WASHC2C: variants seen among roughly 807,000 people sequenced by gnomAD.
WASHC2C encodes the protein WASH complex subunit 2C, also known as Vaccinia Penetration Factor.
A neutral mutation model predicts 142.2 loss-of-function variants in WASHC2C; 73 were observed. The observed-to-expected ratio is 0.51, with a 90% confidence interval of 0.43 to 0.62. The LOEUF (loss-of-function observed/expected upper bound fraction) is 0.62. Among genes scored for constraint, WASHC2C ranks in the 20% least tolerant of loss-of-function variants. The pLI is 0.00. For missense variants in WASHC2C, 969 were observed against 1,531.7 expected, an observed-to-expected ratio of 0.63 and a Z score of 6.13; for synonymous variants, 337 against 565.5, an observed-to-expected ratio of 0.60 and a Z score of 5.73.
intron 23 of WASHC2C, among the ~76,000 whole-genome samples, chr10:45,783,680 C>T (rs1326666712): frequency 1.3e-5 from 2 of 152,132 alleles, no homozygotes; most frequent in African/African-American, 4.8e-5. Context: ...AGGCTGGTCT[C>T]GAACTCCTGG....
intron 8 of WASHC2C, among the ~76,000 whole-genome samples, chr10:45,748,864 T>A (rs1465516996): frequency 2.0e-5 from 3 of 152,202 alleles, no homozygotes; most frequent in Non-Finnish European, 4.4e-5. Flanking sequence ...TGCATACTCT[T>A]CAGAGGTAAC....
In WASHC2C at chr10:45,792,209, G is replaced by A. The variant is rs1337341681; in HGVS notation, c.3887-52G>A. ...TGGTTTGCTTGCATGTGTCTTAAAA[G>A]TACCTTTCTCCACCCCTCTTCAGCA... On this transcript the variant is annotated intron_variant, in intron 30 of 30. Coordinates refer to ENST00000623400, the MANE Select transcript of WASHC2C (RefSeq NM_001330074.2). 3 of 1,560,632 alleles carry A rather than the reference G, an allele frequency of 1.9e-6. 1 individual carries two copies. The highest frequency in any genetic ancestry group is 2.6e-6 in the Non-Finnish European group (3 of 1,143,502).
chr10:45,761,672 A>C (rs1365294097), intron 17 of WASHC2C, among the ~76,000 whole-genome samples: 3 of 152,120 alleles, frequency 2.0e-5, no homozygotes, highest in Admixed American at 6.5e-5. Flanking sequence ...TGCCCTGTGA[A>C]GTCATTTTGG....
intron 3 of WASHC2C, among the ~76,000 whole-genome samples, chr10:45,735,836 G>A (rs1226231203): frequency 2.6e-5 from 4 of 152,204 alleles, no homozygotes; most frequent in Non-Finnish European, 4.4e-5. Flanking sequence ...TGGGTAAGGG[G>A]CACTTGAGTA....
At chr10:45,749,296 G>A (rs1244698651) in intron 8 of WASHC2C, among the ~76,000 whole-genome samples, 3 of 151,078 alleles carry the variant, frequency 2.0e-5, no homozygotes, top group Non-Finnish European at 4.4e-5. Context: ...TTAGCCGGGC[G>A]TGGTGGCGGG....
At chr10:45,754,159 T>A (rs539735104) in intron 13 of WASHC2C, among the ~76,000 whole-genome samples, 95 of 152,334 alleles carry the variant, frequency 6.2e-4, no homozygotes, top group African/African-American at 2.2e-3. Context: ...TGGAACTGTT[T>A]GGGGGAGCCC....
Position 45,746,677 on chromosome 10 carries a change from T to G in WASHC2C, c.732+30T>G, listed in dbSNP as rs1469690682. 3.1e-6 allele frequency: 5 copies of G among 1,611,126 alleles called. No homozygotes were observed. In the African/African-American group the frequency reaches 6.7e-5, roughly 22 times the overall value. On this transcript the variant is annotated intron_variant, in intron 8 of 30. Transcript: ENST00000623400. ...GGCTCATATATTGAAATGACTTTGT[T>G]TTTACATTTTAATTGAAGCATAGTA... is the stretch of plus-strand genomic sequence containing the variant.
intron 23 of WASHC2C, among the ~76,000 whole-genome samples, chr10:45,784,269 T>TATATATATATATATATACACACACAC (rs1564819630): frequency 0.082 from 1,089 of 13,338 alleles, 29 homozygotes; most frequent in Non-Finnish European, 0.14. Context: ...TATATATATA[T>TATATATATATATATATACACACACAC]ATATATATAT....
intron 20 of WASHC2C, among the ~76,000 whole-genome samples, chr10:45,772,078 A>C (rs1221185457): frequency 6.6e-6 from 1 of 152,286 alleles, no homozygotes; most frequent in Non-Finnish European, 1.5e-5. Context: ...AAAAGAATAA[A>C]GTAGTGATGC....
chr10:45,749,862 T>A (rs1282729935), intron 8 of WASHC2C, among the ~76,000 whole-genome samples: 1 of 140,982 alleles, frequency 7.1e-6, no homozygotes, highest in Non-Finnish European at 1.5e-5. Context: ...TATATTTATA[T>A]ATATATATAT....
chr10:45,728,322 C>T (rs1436887577), intron 2 of WASHC2C, among the ~76,000 whole-genome samples: 2 of 152,104 alleles, frequency 1.3e-5, no homozygotes, highest in African/African-American at 2.4e-5. Flanking sequence ...AGCCACCATA[C>T]CCAGTGCCAA....
At chr10:45,741,476 TGC>T (rs1209423142) in intron 5 of WASHC2C, among the ~76,000 whole-genome samples, 2 of 152,028 alleles carry the variant, frequency 1.3e-5, no homozygotes, top group Non-Finnish European at 2.9e-5. Context: ...TTTTTCCCCT[TGC>T]AGAGAAAGTT....
At chr10:45,774,903 A>G (rs2056921597) in intron 21 of WASHC2C, among the ~76,000 whole-genome samples, 3 of 140,082 alleles carry the variant, frequency 2.1e-5, no homozygotes, top group African/African-American at 7.9e-5. Context: ...GATAAAGTAA[A>G]TATGTGGTTA....
At chr10:45,743,841 C>T (rs1203908763) in intron 6 of WASHC2C, among the ~76,000 whole-genome samples, 6 of 145,608 alleles carry the variant, frequency 4.1e-5, no homozygotes, top group African/African-American at 1.3e-4. Context: ...CTCCGCCTCC[C>T]GGATTTAAGC....
intron 13 of WASHC2C, among the ~76,000 whole-genome samples, chr10:45,754,199 T>C (rs1182112456): frequency 6.6e-6 from 1 of 151,828 alleles, no homozygotes; most frequent in Non-Finnish European, 1.5e-5. Flanking sequence ...TCTGCTGTGC[T>C]CACCTCCTCC....
intron 23 of WASHC2C, among the ~76,000 whole-genome samples, chr10:45,784,283 TATATATACAC>T (rs1310265784): frequency 0.017 from 140 of 8,074 alleles, 2 homozygotes; most frequent in African/African-American, 0.026. Context: ...TATATATATA[TATATATACAC>T]ATATATATAT....
intron 3 of WASHC2C, 115 bp from the exon 4 acceptor site, chr10:45,737,868 T>C: frequency 6.2e-7 from 1 of 1,607,206 alleles, no homozygotes; most frequent in Non-Finnish European, 8.5e-7. Flanking sequence ...AGCCCTTTGC[T>C]GAATAACCAT....
intron 17 of WASHC2C, among the ~76,000 whole-genome samples, chr10:45,761,756 T>A (rs1318199094): frequency 6.6e-6 from 1 of 152,224 alleles, no homozygotes; most frequent in Non-Finnish European, 1.5e-5. Context: ...GGTCCGAAAC[T>A]GTGATGTTGA....
chr10:45,752,428 A>C (rs1408840195), intron 11 of WASHC2C, among the ~76,000 whole-genome samples, 160 bp from the exon 12 acceptor site: 1 of 152,282 alleles, frequency 6.6e-6, no homozygotes, highest in Non-Finnish European at 1.5e-5. Flanking sequence ...GGACTGTGCC[A>C]GGGGTTTAGT....
Sources: allele counts gnomAD v4.1 joint callset (sites outside exome capture counted in the v4.1 genomes callset), GRCh38; gene constraint gnomAD v4.1.1; transcripts MANE v1.5; gene names NCBI Gene and HGNC (gene_info 2026-07-23, HGNC 2026-07-21).